Variants in ART3 observed in about 807,000 individuals in gnomAD.
The protein encoded by ART3 is ecto-ADP-ribosyltransferase 3.
A neutral mutation model predicts 48.5 loss-of-function variants in ART3; 49 were observed. The ratio of observed to expected loss-of-function variants is 1.01; its 90% CI spans 0.80 to 1.28. The LOEUF is 1.28. Among genes scored for constraint, ART3 ranks in the 50% most tolerant of loss-of-function variants. The pLI is 0.00. For synonymous variants in ART3, 145 were observed against 157.2 expected, an observed-to-expected ratio of 0.92 and a Z score of 0.58; for missense variants, 438 against 454.3, an observed-to-expected ratio of 0.96 and a Z score of 0.33.
intron 1 of ART3, among the ~76,000 whole-genome samples, chr4:76,066,049 A>G (rs1175145508): frequency 6.6e-6 from 1 of 152,230 alleles, no homozygotes; most frequent in Non-Finnish European, 1.5e-5. Flanking sequence ...AACAGAGAAA[A>G]GGAGAAAAGA....
chr4:76,107,624 A>G (rs565876111), intron 10 of ART3, 137 bp from the exon 11 acceptor site: 2 of 522,004 alleles, frequency 3.8e-6, no homozygotes, highest in East Asian at 7.1e-5. Context: ...AACCCCACAC[A>G]TACCCGTAAA....
In ART3 at chr4:76,075,869, A is replaced by G; in HGVS notation, c.-9-12A>G. On this transcript the variant is annotated splice_polypyrimidine_tract_variant and intron_variant, in intron 1 of 11. Coordinates refer to ENST00000355810, the MANE Select transcript of ART3 (RefSeq NM_001130016.3). ...GAGTCTACTGAATTGAAATTTCTTT[A>G]TTTTAATTTAGAAGAGAAAAATGAA... The G allele has an allele frequency of 6.2e-7, 1 of 1,602,344 alleles. No homozygotes were observed.
intron 1 of ART3, among the ~76,000 whole-genome samples, chr4:76,062,910 T>C (rs1159326878): frequency 6.6e-6 from 1 of 152,014 alleles, no homozygotes; most frequent in Admixed American, 6.6e-5. Context: ...CTAGTGGCCA[T>C]TGAACAATAC....
intron 1 of ART3, among the ~76,000 whole-genome samples, chr4:76,066,555 A>G (rs1178150972): frequency 2.0e-5 from 3 of 152,090 alleles, no homozygotes; most frequent in African/African-American, 7.2e-5. Flanking sequence ...CGTAATTAGC[A>G]GAGAGGGTAG....
chr4:76,108,279 T>G (rs887671198), intron 11 of ART3, among the ~76,000 whole-genome samples: 8 of 151,980 alleles, frequency 5.3e-5, no homozygotes, highest in African/African-American at 7.2e-5. Context: ...AAGAGAAGAT[T>G]GGAAGCTATT....
At chr4:76,093,482 T>C (rs1725362632) in intron 3 of ART3, among the ~76,000 whole-genome samples, 1 of 152,134 alleles carries the variant, frequency 6.6e-6, no homozygotes, top group South Asian at 2.1e-4. Flanking sequence ...ACCTCGCATC[T>C]CTCTGATCAT....
intron 3 of ART3, among the ~76,000 whole-genome samples, chr4:76,093,425 G>C (rs142452848): frequency 1.3e-3 from 203 of 152,166 alleles, no homozygotes; most frequent in African/African-American, 4.7e-3. Context: ...GGGAGACCCT[G>C]AGACCCCATC....
Position 76,095,451 on chromosome 4 carries a change from T to G in ART3, c.782-2193T>G, listed in dbSNP as rs994799376. On this transcript the variant is annotated intron_variant, in intron 3 of 11. Transcript: ENST00000355810. ...TGAACCCAGGAGGCGGAGGTTGCAG[T>G]GAGCCGAGATCGTGCCACTGCACTC... 3.3e-5 allele frequency among the ~76,000 whole-genome samples: 5 copies of G among 152,176 alleles called. No individual in the cohort carries two copies. In the East Asian group the frequency reaches 9.6e-4, roughly 29 times the overall value.
intron 1 of ART3, among the ~76,000 whole-genome samples, chr4:76,042,088 T>C (rs1295512851): frequency 1.3e-5 from 2 of 152,262 alleles, no homozygotes; most frequent in Non-Finnish European, 2.9e-5. Flanking sequence ...CAGGAAATGA[T>C]GGAATCTAGT....
intron 3 of ART3, among the ~76,000 whole-genome samples, chr4:76,095,884 G>A (rs1240793494): frequency 2.0e-5 from 3 of 151,988 alleles, no homozygotes; most frequent in African/African-American, 7.3e-5. Flanking sequence ...TAAGCCCTCT[G>A]GATGAGGCTT....
chr4:76,065,911 C>T lies in ART3; in HGVS notation c.-9-9970C>T, dbSNP rs1719691794. Among the ~76,000 whole-genome samples the T allele has an allele frequency of 3.9e-5, 6 of 151,966 alleles. No homozygotes were observed. In the South Asian group the frequency reaches 1.2e-3, roughly 32 times the overall value. ...TGTACTCTGTAACCTTTAAGATTAT[C>T]CTTAGTAGTCTGAAGGAAGGAAAAG... is the stretch of plus-strand genomic sequence containing the variant. On this transcript the variant is annotated intron_variant, in intron 1 of 9. Coordinates refer to the ART3 transcript ENST00000341029.
At chr4:76,026,435 G>C (rs1354752682) in intron 1 of ART3, among the ~76,000 whole-genome samples, 1 of 152,134 alleles carries the variant, frequency 6.6e-6, no homozygotes, top group Non-Finnish European at 1.5e-5. Flanking sequence ...CAGACTTTAA[G>C]TGACAGCATA....
intron 1 of ART3, among the ~76,000 whole-genome samples, chr4:76,068,958 A>G (rs1227272116): frequency 6.6e-6 from 1 of 152,230 alleles, no homozygotes; most frequent in Non-Finnish European, 1.5e-5. Context: ...CATGGCTTAA[A>G]TAGTTTTTAT....
At position 76,078,341 on chromosome 4, in the gene ART3, T is replaced by C. The variant is rs182274696; in HGVS notation, c.69+2383T>C. The stretch of plus-strand genomic sequence containing the variant: ...GGAACATAGTAGATCAACTCTGATA[T>C]AATGTAAGGAATGTGGGAGGTGTTT... On this transcript the variant is annotated intron_variant, in intron 2 of 11. Transcript: ENST00000355810. 1.5e-4 allele frequency among the ~76,000 whole-genome samples: 23 copies of C among 152,288 alleles called. No homozygotes were observed. The East Asian group carries it at 4.2e-3, about 28-fold the overall frequency.
At chr4:76,061,268 T>C (rs1402223814) in intron 1 of ART3, among the ~76,000 whole-genome samples, 1 of 152,224 alleles carries the variant, frequency 6.6e-6, no homozygotes. Flanking sequence ...TTGATGTTGC[T>C]CCTAACCATT....
rs116056135 is a variant in ART3 at position 76,096,470 on chromosome 4, T to C, written c.782-1174T>C. 5.7e-3 allele frequency among the ~76,000 whole-genome samples: 874 copies of C among 152,314 alleles called. 13 individuals are homozygous for C. The highest frequency in any genetic ancestry group is 0.02 in the African/African-American group (835 of 41,572). On this transcript the variant is annotated intron_variant, in intron 3 of 11. Transcript: ENST00000355810. ...GGCCTCTCTAGGGATTCTCCTATTG[T>C]AGGTAAAGAGGCTCCTCCTCAGGTA...
At chr4:76,022,063 A>G (rs536384749) in intron 1 of ART3, 14 of 1,011,272 alleles carry the variant, frequency 1.4e-5, no homozygotes, top group East Asian at 7.2e-5. Flanking sequence ...TCCTGCTGCT[A>G]TGCATTCATT....
At chr4:76,075,091 G>C (rs1578424384) in intron 1 of ART3, among the ~76,000 whole-genome samples, 1 of 152,156 alleles carries the variant, frequency 6.6e-6, no homozygotes, top group East Asian at 1.9e-4. Context: ...CCCTTCCCCT[G>C]TGCTGTTCAT....
chr4:76,070,887 C>T (rs531310497), upstream of ART3, among the ~76,000 whole-genome samples: 1 of 151,998 alleles, frequency 6.6e-6, no homozygotes, highest in South Asian at 2.1e-4. Context: ...TTAGATGAAC[C>T]TCTCCTGCTC....
Sources: gnomAD v4.1 joint callset for allele counts (sites outside exome capture counted in the v4.1 genomes callset) on GRCh38, gnomAD v4.1.1 for gene constraint, MANE v1.5 for transcripts, NCBI Gene and HGNC (gene_info 2026-07-23, HGNC 2026-07-21) for gene names.